Variants in CHST3 observed in about 807,000 individuals in gnomAD.
CHST3 encodes the protein carbohydrate sulfotransferase 3.
Under a neutral mutation model 35.4 loss-of-function variants are expected in CHST3, and 20 were observed. The observed-to-expected ratio is 0.57, with a 90% CI of 0.40 to 0.82. CHST3 has a LOEUF of 0.82. Among genes scored for constraint, CHST3 ranks in the 40% least tolerant of loss-of-function variants. The pLI is 0.00. For missense variants in CHST3, 693 were observed against 670.1 expected (o/e 1.03, Z -0.38); for synonymous variants, 334 against 295.9 (o/e 1.13, Z -1.32).
chr10:71,970,233 C>T (rs9783244), intron 1 of CHST3, among the ~76,000 whole-genome samples: 3 of 150,438 alleles, frequency 2.0e-5, no homozygotes, highest in Admixed American at 6.6e-5. Context: ...AGCTGCCCTC[C>T]GTCCTCTTGA....
chr10:72,000,919 T>C (rs1589506559), intron 1 of CHST3, among the ~76,000 whole-genome samples: 1 of 149,020 alleles, frequency 6.7e-6, no homozygotes, highest in Admixed American at 6.7e-5. Context: ...AGGGAGGAGG[T>C]GATGCAGCAT....
intron 1 of CHST3, among the ~76,000 whole-genome samples, chr10:71,971,224 T>A (rs1436477953): frequency 6.6e-6 from 1 of 152,064 alleles, no homozygotes; most frequent in Non-Finnish European, 1.5e-5. Context: ...CCTCTGGGAT[T>A]TGGGGAGTGG....
rs938363524 is a variant in CHST3 at position 72,005,295 on chromosome 10, GTGTGTC to G, written c.-107-435_-107-430del. On this transcript the variant is annotated intron_variant, in intron 1 of 2. Coordinates refer to ENST00000373115, the MANE Select transcript of CHST3 (RefSeq NM_004273.5). ...AGGGTCTGCACCTTTGTGTGTGTGTGTGTGTCTGTGTGTGTGTGTGTGTGTGTTCTC... is the reference window on the plus strand; with the variant it reads ...AGGGTCTGCACCTTTGTGTGTGTGTGTGTGTGTGTGTGTGTGTGTGTTCTC... Among the ~76,000 whole-genome samples the G allele has an allele frequency of 6.5e-3, 953 of 146,598 alleles. 15 individuals are homozygous for G. Among genetic ancestry groups the G allele is most frequent in the African/African-American group, 0.024 (886 of 36,470 alleles).
intron 1 of CHST3, among the ~76,000 whole-genome samples, chr10:71,998,091 A>T (rs544768326): frequency 2.8e-4 from 42 of 152,188 alleles, no homozygotes; most frequent in African/African-American, 9.9e-4. Context: ...GTGAGCCAAG[A>T]TCATGCCACT....
rs1564534417 is a variant in CHST3, at chr10:72,011,970, G to A, written c.*3499G>A. The A allele has an allele frequency of 6.6e-6, 1 of 152,238 alleles. No individual in the cohort carries two copies. Among genetic ancestry groups the A allele is most frequent in the Non-Finnish European group, 1.5e-5 (1 of 68,046 alleles). The allele number at this position is 152,238 out of a possible 1,614,324, so 9.4% of individuals were successfully genotyped here. A position where few individuals can be genotyped will look rare whatever the true frequency, so the allele number is the denominator to read the frequency against. ...CCAGTCTCTGTCACATACACCGCAG[G>A]TGGTCACCGAGTTATTTTCCAAAAG... On this transcript the variant is annotated 3_prime_UTR_variant, in exon 3 of 3. Coordinates refer to ENST00000373115, the MANE Select transcript of CHST3 (RefSeq NM_004273.5).
chr10:71,989,912 CTCTT>C (rs1207159816), intron 1 of CHST3, among the ~76,000 whole-genome samples: 4 of 152,184 alleles, frequency 2.6e-5, no homozygotes, highest in Non-Finnish European at 5.9e-5. Context: ...CCAGAACTTC[CTCTT>C]TCTTTTTAAT....
chr10:72,005,633 TG>T, intron 1 of CHST3, 102 bp from the exon 2 acceptor site: 2 of 620,752 alleles, frequency 3.2e-6, no homozygotes, highest in Admixed American at 5.4e-5. Flanking sequence ...TCTGGGGTCC[TG>T]GCTGCTAACC....
intron 1 of CHST3, among the ~76,000 whole-genome samples, chr10:71,983,458 C>A (rs957539167): frequency 1.1e-4 from 17 of 152,062 alleles, no homozygotes; most frequent in African/African-American, 4.1e-4. Flanking sequence ...TGGGACCATG[C>A]CTTTTTTTTT....
chr10:71,997,428 A>G (rs1160799975), intron 1 of CHST3, among the ~76,000 whole-genome samples: 2 of 150,622 alleles, frequency 1.3e-5, no homozygotes, highest in South Asian at 2.1e-4. Context: ...CTCCCCCTCT[A>G]CCTCTCTGCC....
chr10:72,004,302 C>T (rs1030560123), intron 1 of CHST3, among the ~76,000 whole-genome samples: 1 of 152,140 alleles, frequency 6.6e-6, no homozygotes, highest in South Asian at 2.1e-4. Context: ...CAGATGAACT[C>T]CCTGTCCTGC....
At chr10:71,969,720 G>A (rs187728409) in intron 1 of CHST3, among the ~76,000 whole-genome samples, 1 of 152,320 alleles carries the variant, frequency 6.6e-6, no homozygotes, top group East Asian at 1.9e-4. Context: ...GCAGGGGCCG[G>A]GGCTGTCCAT....
At chr10:71,979,484 G>A (rs1589499250) in intron 1 of CHST3, among the ~76,000 whole-genome samples, 1 of 152,106 alleles carries the variant, frequency 6.6e-6, no homozygotes, top group Non-Finnish European at 1.5e-5. Context: ...AGGCTCTGGG[G>A]ATGTGTAGGG....
Position 72,007,414 on chromosome 10 carries a change from T to C in CHST3, c.383T>C (p.Val128Ala), listed in dbSNP as rs947963009. 1.9e-6 allele frequency: 3 copies of C among 1,605,252 alleles called. No individual in the cohort carries two copies. The highest frequency in any genetic ancestry group is 2.5e-6 in the Non-Finnish European group (3 of 1,178,708). ...RKEEEPPRPAVAGPRRHVLLM... is the reference protein window; with the variant it reads ...RKEEEPPRPAAAGPRRHVLLM... Reference sequence around the variant, plus strand: ...GAGGAGGAGCCGCCCAGACCGGCCGTGGCGGGGCCCCGGCGCCACGTGCTG... The same window carrying C: ...GAGGAGGAGCCGCCCAGACCGGCCGCGGCGGGGCCCCGGCGCCACGTGCTG... Residue 128 changes from valine to alanine, a missense_variant, in exon 3 of 3, where the codon GTG becomes GCG. By Grantham distance (64) the Val-to-Ala change is moderately conservative (BLOSUM62 0). Transcript: ENST00000373115.
rs2131778270 is a variant in CHST3, at chr10:72,009,255, T to C, written c.*784T>C. On this transcript the variant is annotated 3_prime_UTR_variant, in exon 3 of 3. Transcript: ENST00000373115. ...TGTGCTTAACATTTGTAGGATTATT[T>C]CGAGGGCAGGGCAGGGGAAAGAAAC... 1 of 152,326 alleles carries C rather than the reference T, an allele frequency of 6.6e-6. No homozygotes were observed. Among genetic ancestry groups the C allele is most frequent in the African/African-American group, 2.4e-5 (1 of 41,550 alleles). The allele number at this position is 152,326 out of a possible 1,614,324, so 9.4% of individuals were successfully genotyped here.
chr10:71,970,188 C>T (rs763299391), intron 1 of CHST3, among the ~76,000 whole-genome samples: 3 of 152,258 alleles, frequency 2.0e-5, no homozygotes, highest in East Asian at 1.9e-4. Context: ...GGGTGGGCCC[C>T]GGGAGCCCCT....
chr10:71,968,646 T>C (rs900250329), intron 1 of CHST3, among the ~76,000 whole-genome samples: 1 of 152,172 alleles, frequency 6.6e-6, no homozygotes, highest in African/African-American at 2.4e-5. Context: ...ACAGCCCTGA[T>C]GCTTCTTACT....
chr10:71,970,507 C>T (rs1483142667), intron 1 of CHST3, among the ~76,000 whole-genome samples: 1 of 152,238 alleles, frequency 6.6e-6, no homozygotes, highest in Non-Finnish European at 1.5e-5. Flanking sequence ...CCAGTCCCTC[C>T]TCCTTAACTT....
chr10:71,981,552 C>G (rs550256303), intron 1 of CHST3, among the ~76,000 whole-genome samples: 7 of 152,332 alleles, frequency 4.6e-5, no homozygotes, highest in South Asian at 2.1e-4. Context: ...TCCAGCCCCC[C>G]CAGGCAGCCA....
chr10:71,967,373 C>T (rs1356473898), intron 1 of CHST3, among the ~76,000 whole-genome samples: 1 of 152,120 alleles, frequency 6.6e-6, no homozygotes, highest in Non-Finnish European at 1.5e-5. Context: ...CCCTTCTTTG[C>T]GTTCAGATGT....
Sources: gnomAD v4.1 joint callset for allele counts (sites outside exome capture counted in the v4.1 genomes callset) on GRCh38, gnomAD v4.1.1 for gene constraint, MANE v1.5 for transcripts, NCBI Gene and HGNC (gene_info 2026-07-23, HGNC 2026-07-21) for gene names.